EXD2: variants seen among roughly 807,000 people sequenced by gnomAD.
The protein encoded by EXD2 is exonuclease 3'-5' domain-containing protein 2.
A neutral mutation model predicts 62.5 loss-of-function variants in EXD2; 40 were observed. The observed-to-expected ratio is 0.64, with a 90% CI of 0.50 to 0.83. EXD2 has a LOEUF of 0.83. Among genes scored for constraint, EXD2 ranks in the 40% least tolerant of loss-of-function variants. EXD2 has a pLI of 0.00. For missense variants in EXD2, 671 were observed against 761.8 expected, an observed-to-expected ratio of 0.88 and a Z score of 1.40; for synonymous variants, 239 against 291.9, an observed-to-expected ratio of 0.82 and a Z score of 1.85.
intron 5 of EXD2, among the ~76,000 whole-genome samples, chr14:69,231,107 G>A (rs920064513): frequency 6.6e-6 from 1 of 151,022 alleles, no homozygotes; most frequent in Non-Finnish European, 1.5e-5. Flanking sequence ...TATATGTTGG[G>A]CATTTCAGAA....
intron 3 of EXD2, among the ~76,000 whole-genome samples, chr14:69,226,118 T>C (rs1350322547): frequency 6.6e-6 from 1 of 152,246 alleles, no homozygotes; most frequent in Non-Finnish European, 1.5e-5. Context: ...GTGAGTTTTA[T>C]GTCAAATTAG....
chr14:69,222,523 T>C (rs2043220424), intron 3 of EXD2, among the ~76,000 whole-genome samples: 1 of 152,226 alleles, frequency 6.6e-6, no homozygotes, highest in African/African-American at 2.4e-5. Context: ...CACATTCTTC[T>C]ATCTCCTATC....
rs770207941 is a variant in EXD2 at position 69,209,561 on chromosome 14, C to T, written c.91C>T (p.Arg31Cys). ...TGTCCTCTGGAAAGGCATCCAGCGC[C>T]GCCGAAGGAGTAAAACGAGTCCTGT... is the stretch of plus-strand genomic sequence containing the variant. Reference protein sequence around the residue: ...GFVLWKGIQRRRRSKTSPVTQ... With the variant: ...GFVLWKGIQRCRRSKTSPVTQ... The change falls in exon 3 of 10, where the codon CGC becomes TGC. Residue 31 changes from arginine to cysteine, a missense_variant. By Grantham distance (180) the Arg-to-Cys change is radical. Transcript: ENST00000685843. The T allele has an allele frequency of 1.1e-4, 170 of 1,550,528 alleles. 1 individual carries two copies. In the East Asian group the frequency reaches 3.6e-3, roughly 33 times the overall value.
In EXD2 at chr14:69,242,046, A is replaced by C; in HGVS notation, c.*946A>C. ...AATTCACTCCCAGAGTCATCTGGTC[A>C]GGTTGCAATATGAGGACTTCTCTGT... On this transcript the variant is annotated 3_prime_UTR_variant, in exon 10 of 10. Coordinates refer to ENST00000685843, the MANE Select transcript of EXD2 (RefSeq NM_001193360.2). 1 of 398,646 alleles carries C rather than the reference A, an allele frequency of 2.5e-6. No homozygotes were observed. The allele number at this position is 398,646 out of a possible 1,614,324, so 24.7% of individuals were successfully genotyped here. A position where few individuals can be genotyped will look rare whatever the true frequency, so the allele number is the denominator to read the frequency against.
chr14:69,230,563 A>G lies in EXD2; in HGVS notation c.682A>G (p.Ser228Gly). The G allele has an allele frequency of 6.2e-7, 1 of 1,613,896 alleles. No individual in the cohort carries two copies. Among genetic ancestry groups the G allele is most frequent in the South Asian group, 1.1e-5 (1 of 91,050 alleles). The change falls in exon 5 of 10, where the codon AGC becomes GGC. Residue 228 changes from serine to glycine, a missense_variant. Ser to Gly is a moderately conservative substitution (Grantham distance 56). Coordinates refer to ENST00000685843, the MANE Select transcript of EXD2 (RefSeq NM_001193360.2). The stretch of plus-strand genomic sequence containing the variant: ...TGACAAGTCCCTTCTACTTCGTTGC[A>G]GCAACTGGGATGCTGAGACTCTCAC... ...PLDKSLLLRC[S>G]NWDAETLTED...
intron 3 of EXD2, among the ~76,000 whole-genome samples, chr14:69,221,722 C>T (rs1021786685): frequency 2.6e-5 from 4 of 151,714 alleles, no homozygotes; most frequent in Non-Finnish European, 5.9e-5. Flanking sequence ...GAGCTATGAT[C>T]ATGCCACTGC....
intron 1 of EXD2, among the ~76,000 whole-genome samples, chr14:69,203,055 AGTTTGTTT>A (rs758178206): frequency 2.0e-5 from 3 of 151,870 alleles, no homozygotes; most frequent in Non-Finnish European, 2.9e-5. Context: ...CCGTGTCTCA[AGTTTGTTT>A]GTTTGTTTGT....
intron 4 of EXD2, 149 bp downstream of exon 4, chr14:69,229,221 C>T (rs2043480829): frequency 1.8e-6 from 2 of 1,107,378 alleles, no homozygotes; most frequent in African/African-American, 1.6e-5. Flanking sequence ...TGTAAGGAGA[C>T]ATTCCACCTT....
intron 6 of EXD2, 48 bp from the exon 7 acceptor site, chr14:69,235,998 A>G (rs1039202790): frequency 7.1e-7 from 1 of 1,410,190 alleles, no homozygotes; most frequent in Non-Finnish European, 1.0e-6. Context: ...AGACATTTTG[A>G]CCCACAGTTA....
At chr14:69,240,825 T>G in intron 9 of EXD2, 59 bp from the exon 10 acceptor site, 4 of 1,485,716 alleles carry the variant, frequency 2.7e-6, no homozygotes, top group Non-Finnish European at 3.7e-6. Flanking sequence ...TTTGAAGCTG[T>G]CTGTGAGGCC....
At position 69,241,389 on chromosome 14, in the gene EXD2, G is replaced by GA. The variant is rs2043979410; in HGVS notation, c.*294dup. 3.0e-6 allele frequency: 1 copy of GA among 334,006 alleles called. No individual in the cohort carries two copies. The highest frequency in any genetic ancestry group is 5.5e-6 in the Non-Finnish European group (1 of 183,254). The allele number at this position is 334,006 out of a possible 1,614,324, so 20.7% of individuals were successfully genotyped here. ...CCTCTTCTGCTGTCCCTGTGCAGAGGAAAAATGAAGAATTCTCCCAGAAGT... is the reference window on the plus strand; with the variant it reads ...CCTCTTCTGCTGTCCCTGTGCAGAGGAAAAAATGAAGAATTCTCCCAGAAGT... On this transcript the variant is annotated 3_prime_UTR_variant, in exon 10 of 10. Transcript: ENST00000685843.
At chr14:69,239,339 A>G (rs1359965613) in intron 9 of EXD2, 1 of 152,234 alleles carries the variant, frequency 6.6e-6, no homozygotes, top group Non-Finnish European at 1.5e-5. Context: ...AAGGGAACTG[A>G]TAAGTTCACA....
At chr14:69,210,195 T>C (rs2042761346) in intron 3 of EXD2, 1 of 159,874 alleles carries the variant, frequency 6.3e-6, no homozygotes, top group Non-Finnish European at 1.4e-5. Context: ...AGTGTGAACA[T>C]ATAGTAGTAA....
rs2043123001 is a variant in EXD2 at position 69,220,251 on chromosome 14, C to CTCTTTT, written c.334-8564_334-8563insCTTTTT. ...CTCTCTCAGCAAGTGTTTTGTCTCTCTGTTTTTTTTTTTTTTTTTTTTTTT... is the reference window on the plus strand; with the variant it reads ...CTCTCTCAGCAAGTGTTTTGTCTCTCTCTTTTTGTTTTTTTTTTTTTTTTTTTTTTT... On this transcript the variant is annotated intron_variant, in intron 3 of 9. Coordinates refer to ENST00000685843, the MANE Select transcript of EXD2 (RefSeq NM_001193360.2). Among the ~76,000 whole-genome samples the CTCTTTT allele has an allele frequency of 1.3e-4, 8 of 60,644 alleles. 1 individual carries two copies. The highest frequency in any genetic ancestry group is 4.2e-4 in the African/African-American group (6 of 14,410). 39.8% of individuals were successfully genotyped at this position (60,644 alleles called of 152,430 possible). A position where few individuals can be genotyped will look rare whatever the true frequency, so the allele number is the denominator to read the frequency against.
chr14:69,225,776 A>G (rs910934599), intron 3 of EXD2, among the ~76,000 whole-genome samples: 13 of 152,202 alleles, frequency 8.5e-5, no homozygotes, highest in African/African-American at 3.1e-4. Flanking sequence ...TGAGAAATAG[A>G]GACTAGATAT....
chr14:69,230,356 T>G (rs2043525670), intron 4 of EXD2, 116 bp from the exon 5 acceptor site: 1 of 595,916 alleles, frequency 1.7e-6, no homozygotes, highest in Admixed American at 3.2e-5. Flanking sequence ...TTTCTTCGAT[T>G]TCTAGTGAGA....
At chr14:69,196,171 G>C (rs1174098043) in intron 1 of EXD2, 1 of 152,190 alleles carries the variant, frequency 6.6e-6, no homozygotes, top group African/African-American at 2.4e-5. Flanking sequence ...CATTGGATTC[G>C]CTCAGCGTAA....
At chr14:69,229,625 A>G (rs1029866309) in intron 4 of EXD2, among the ~76,000 whole-genome samples, 2 of 152,168 alleles carry the variant, frequency 1.3e-5, no homozygotes, top group African/African-American at 2.4e-5. Context: ...TAGGCCAAAA[A>G]TGATGGTAGA....
chr14:69,232,743 G>A (rs993933387), intron 5 of EXD2, among the ~76,000 whole-genome samples: 2 of 152,050 alleles, frequency 1.3e-5, no homozygotes, highest in Non-Finnish European at 2.9e-5. Context: ...TTTTAATTGG[G>A]TCATTTGTTA....
Sources: allele counts gnomAD v4.1 joint callset (sites outside exome capture counted in the v4.1 genomes callset), GRCh38; gene constraint gnomAD v4.1.1; transcripts MANE v1.5; gene names NCBI Gene and HGNC (gene_info 2026-07-23, HGNC 2026-07-21).